Variants in ABCD2 observed in about 807,000 individuals in gnomAD.
The protein encoded by ABCD2 is ATP-binding cassette sub-family D member 2.
In ABCD2, 36 loss-of-function variants were observed where a neutral mutation model predicts 70.9. The ratio of observed to expected loss-of-function variants is 0.51; its 90% CI spans 0.39 to 0.67. ABCD2 has a LOEUF of 0.67. Among genes scored for constraint, ABCD2 ranks in the 30% least tolerant of loss-of-function variants. The probability of loss-of-function intolerance (pLI) is 0.00; values close to 1 mark genes in which losing one functional copy is unlikely to be tolerated. For synonymous variants in ABCD2, 304 were observed against 306.9 expected, an observed-to-expected ratio of 0.99 and a Z score of 0.10; for missense variants, 729 against 890.2, an observed-to-expected ratio of 0.82 and a Z score of 2.30.
Position 39,619,534 on chromosome 12 carries a change from C to A in ABCD2, c.82G>T (p.Ala28Ser), listed in dbSNP as rs2120804741. The part of the protein sequence containing the change: ...SAAKRAACLV[A>S]AAYALKTLYP... ...AGGGTTTTCAGAGCATATGCCGCAG[C>A]CACCAGGCAGGCAGCCCTCTTAGCA... The change falls in exon 1 of 10, where the codon GCT (alanine) becomes TCT (serine). Residue 28 changes from alanine to serine, a missense_variant. By Grantham distance (99) the Ala-to-Ser change is moderately conservative (BLOSUM62 1). Around this residue, in one of 3 missense-constraint regions of ABCD2, gnomAD observed 245 missense variants for 261.2 expected, o/e 0.94. Coordinates refer to ENST00000308666, the MANE Select transcript of ABCD2 (RefSeq NM_005164.4). 1 of 1,611,838 alleles carries A rather than the reference C, an allele frequency of 6.2e-7. No individual in the cohort carries two copies. The highest frequency in any genetic ancestry group is 1.1e-5 in the South Asian group (1 of 91,070).
chr12:39,566,609 G>GA (rs1941352930), intron 9 of ABCD2, among the ~76,000 whole-genome samples: 5 of 151,986 alleles, frequency 3.3e-5, no homozygotes, highest in African/African-American at 4.8e-5. Flanking sequence ...TTTTTGAAAG[G>GA]TTTTTTGTGT....
At chr12:39,566,018 G>A (rs1941341000) in intron 9 of ABCD2, among the ~76,000 whole-genome samples, 1 of 152,086 alleles carries the variant, frequency 6.6e-6, no homozygotes, top group Non-Finnish European at 1.5e-5. Flanking sequence ...ATGTGCTGCT[G>A]GATTTAGTTT....
intron 6 of ABCD2, among the ~76,000 whole-genome samples, chr12:39,589,238 G>A (rs1432507235): frequency 1.3e-5 from 2 of 152,240 alleles, no homozygotes; most frequent in African/African-American, 4.8e-5. Context: ...CCATTAGGTT[G>A]AAGGATAGAC....
At chr12:39,540,322 C>T in the ABCD2 span, among the ~76,000 whole-genome samples, 1 of 152,150 alleles carries the variant, frequency 6.6e-6, no homozygotes, top group Non-Finnish European at 1.5e-5. Context: ...GGAGTCATAC[C>T]TTACAAACCA....
intron 2 of ABCD2, among the ~76,000 whole-genome samples, chr12:39,608,130 T>C (rs1049141717): frequency 2.6e-5 from 4 of 151,786 alleles, no homozygotes; most frequent in African/African-American, 9.7e-5. Context: ...ATCATGCCAC[T>C]GGACTCCAGC....
chr12:39,538,133 C>T, the ABCD2 span, among the ~76,000 whole-genome samples: 4 of 151,846 alleles, frequency 2.6e-5, no homozygotes, highest in African/African-American at 9.7e-5. Context: ...GCTTGGGCCA[C>T]TCCCACACTG....
At chr12:39,614,919 TTTCTC>T (rs1566591492) in intron 2 of ABCD2, among the ~76,000 whole-genome samples, 1 of 152,064 alleles carries the variant, frequency 6.6e-6, no homozygotes, top group Non-Finnish European at 1.5e-5. Context: ...TTACATTACT[TTTCTC>T]TATATAAAAA....
At position 39,619,197 on chromosome 12, in the gene ABCD2, G is replaced by A; in HGVS notation, c.419C>T (p.Pro140Leu). ...KIVKSIVEKK[P>L]RTFIIKLIKW... Reference sequence around the variant, plus strand: ...GATTAATTTGATGATGAAAGTCCGAGGCTTCTTTTCCACAATGCTTTTCAC... The same window carrying A: ...GATTAATTTGATGATGAAAGTCCGAAGCTTCTTTTCCACAATGCTTTTCAC... Residue 140 changes from proline (P) to leucine (L), a missense_variant, in exon 1 of 10, where the codon CCT (proline) becomes CTT (leucine). By Grantham distance (98) the Pro-to-Leu change is moderately conservative. Around this residue, in one of 3 missense-constraint regions of ABCD2, gnomAD observed 245 missense variants for 261.2 expected, o/e 0.94. Transcript: ENST00000308666. 6.2e-7 allele frequency: 1 copy of A among 1,614,148 alleles called. No individual in the cohort carries two copies. Among genetic ancestry groups the A allele is most frequent in the Non-Finnish European group, 8.5e-7 (1 of 1,180,036 alleles).
At chr12:39,549,825 A>T (rs1340589415), downstream of ABCD2, among the ~76,000 whole-genome samples, 1 of 151,926 alleles carries the variant, frequency 6.6e-6, no homozygotes, top group Non-Finnish European at 1.5e-5. Flanking sequence ...TGGGTATTGT[A>T]TGAGGTTGGA....
At chr12:39,539,039 G>A in the ABCD2 span, among the ~76,000 whole-genome samples, 1 of 152,144 alleles carries the variant, frequency 6.6e-6, no homozygotes, top group Non-Finnish European at 1.5e-5. Flanking sequence ...ACCACCTCGT[G>A]TTGTCTGTTG....
intron 9 of ABCD2, among the ~76,000 whole-genome samples, chr12:39,554,785 G>T (rs1941137484): frequency 6.6e-6 from 1 of 152,158 alleles, no homozygotes; most frequent in Non-Finnish European, 1.5e-5. Context: ...TTGTCCTAAA[G>T]GAGGCTGAGG....
At chr12:39,611,545 A>G (rs1942045143) in intron 2 of ABCD2, among the ~76,000 whole-genome samples, 1 of 152,138 alleles carries the variant, frequency 6.6e-6, no homozygotes, top group Non-Finnish European at 1.5e-5. Context: ...ACCATATATA[A>G]ACATCCATTC....
intron 9 of ABCD2, among the ~76,000 whole-genome samples, chr12:39,557,776 AC>A (rs1298255524): frequency 3.3e-5 from 5 of 152,170 alleles, no homozygotes; most frequent in Admixed American, 6.5e-5. Context: ...TGGTGGTTGG[AC>A]CTGTGGTGCA....
At chr12:39,604,027 A>G in intron 4 of ABCD2, 21 bp from the exon 5 acceptor site, 1 of 1,510,070 alleles carries the variant, frequency 6.6e-7, no homozygotes. Flanking sequence ...GAAAAAGTGT[A>G]AGATACAAAC....
Position 39,619,191 on chromosome 12 carries a change from G to T in ABCD2, c.425C>A (p.Thr142Asn). Residue 142 changes from threonine (T) to asparagine (N), a missense_variant, in exon 1 of 10, where the codon ACT becomes AAT. Thr to Asn is a moderately conservative substitution (Grantham distance 65). Coordinates refer to ENST00000308666, the MANE Select transcript of ABCD2 (RefSeq NM_005164.4). ...CCACTTGATTAATTTGATGATGAAA[G>T]TCCGAGGCTTCTTTTCCACAATGCT... is the stretch of plus-strand genomic sequence containing the variant. ...VKSIVEKKPRTFIIKLIKWLM... is the reference protein window; with the variant it reads ...VKSIVEKKPRNFIIKLIKWLM... The T allele has an allele frequency of 6.2e-7, 1 of 1,614,180 alleles. No homozygotes were observed.
the ABCD2 span, among the ~76,000 whole-genome samples, chr12:39,534,000 G>A: frequency 6.6e-6 from 1 of 152,154 alleles, no homozygotes; most frequent in African/African-American, 2.4e-5. Flanking sequence ...AGAACCTGGG[G>A]TATAGAAACA....
At chr12:39,557,725 C>T (rs1448905553) in intron 9 of ABCD2, among the ~76,000 whole-genome samples, 6 of 152,162 alleles carry the variant, frequency 3.9e-5, no homozygotes, top group Admixed American at 6.5e-5. Flanking sequence ...GGCCAAGGTA[C>T]AGCTCAGGCC....
At chr12:39,589,471 G>T (rs1941713866) in intron 6 of ABCD2, among the ~76,000 whole-genome samples, 2 of 145,156 alleles carry the variant, frequency 1.4e-5, no homozygotes, top group Non-Finnish European at 3.0e-5. Context: ...CTCACTGCAA[G>T]CTCCGCCTCC....
chr12:39,548,073 T>C (rs1432308922), downstream of ABCD2, among the ~76,000 whole-genome samples: 1 of 152,088 alleles, frequency 6.6e-6, no homozygotes, highest in Non-Finnish European at 1.5e-5. Flanking sequence ...CTTTGATCTT[T>C]TCCTGGGCTA....
Sources: allele counts gnomAD v4.1 joint callset (sites outside exome capture counted in the v4.1 genomes callset), GRCh38; gene constraint gnomAD v4.1.1; regional missense constraint gnomAD v4.1.1; transcripts MANE v1.5; gene names NCBI Gene and HGNC (gene_info 2026-07-23, HGNC 2026-07-21).